Variants in TENM4 observed in about 807,000 individuals in gnomAD.
The protein encoded by TENM4 is teneurin-4.
A neutral mutation model predicts 243.3 loss-of-function variants in TENM4; 82 were observed. That is an observed-to-expected ratio of 0.34 (90% CI 0.28 to 0.40). TENM4 has a LOEUF of 0.40. TENM4 is among the 10% of genes least tolerant of loss of function. TENM4 has a pLI of 1.00. For missense variants in TENM4, 3,138 were observed against 3,673.3 expected (o/e 0.85, Z 3.77); for synonymous variants, 1,412 against 1,456.3 (o/e 0.97, Z 0.69).
Position 79,082,705 on chromosome 11 carries a change from G to A in TENM4, c.-65-12696C>T, listed in dbSNP as rs369316813. Among the ~76,000 whole-genome samples the A allele has an allele frequency of 1.6e-3, 243 of 152,308 alleles. No individual in the cohort carries two copies. The South Asian group carries it at 0.025, about 16-fold the overall frequency. On this transcript the variant is annotated intron_variant, in intron 4 of 33. Transcript: ENST00000278550. ...GTGTGACTATGGGTCCTCACAGCAG[G>A]AAAGGTGGATTAGTAAAGGCATCTT...
chr11:78,990,356 C>G (rs1303340829), intron 6 of TENM4, among the ~76,000 whole-genome samples: 2 of 152,154 alleles, frequency 1.3e-5, no homozygotes, highest in Non-Finnish European at 2.9e-5. Context: ...CCCACCTGCT[C>G]TGAATGTCTG....
intron 12 of TENM4, among the ~76,000 whole-genome samples, chr11:78,822,844 T>C (rs1264463916): frequency 6.6e-6 from 1 of 152,216 alleles, no homozygotes; most frequent in Non-Finnish European, 1.5e-5. Context: ...GAAGAAGTCA[T>C]CATGTTCGTG....
chr11:78,686,633 T>G (rs927550659), intron 29 of TENM4, among the ~76,000 whole-genome samples: 1 of 152,150 alleles, frequency 6.6e-6, no homozygotes. Context: ...GGAATTGAGT[T>G]GAAGGACACC....
Position 78,741,658 on chromosome 11 carries a change from A to C in TENM4, c.2757-3088T>G, listed in dbSNP as rs988788409. 2.0e-5 allele frequency among the ~76,000 whole-genome samples: 3 copies of C among 152,228 alleles called. No individual in the cohort carries two copies. The East Asian group carries it at 5.8e-4, about 29-fold the overall frequency. ...TAACAACCAGCTTGCAGAATTTCTGAACATTTAATAATCAGTTCTTGCGAA... is the reference window on the plus strand; with the variant it reads ...TAACAACCAGCTTGCAGAATTTCTGCACATTTAATAATCAGTTCTTGCGAA... On this transcript the variant is annotated intron_variant, in intron 19 of 33. Transcript: ENST00000278550.
At chr11:78,855,740 G>A (rs369471906) in intron 11 of TENM4, among the ~76,000 whole-genome samples, 3 of 152,184 alleles carry the variant, frequency 2.0e-5, no homozygotes, top group South Asian at 4.1e-4. Flanking sequence ...TAGCAGAAAG[G>A]CTGTTAAGAG....
At chr11:79,422,046 A>G (rs948297934) in intron 1 of TENM4, 1 of 152,862 alleles carries the variant, frequency 6.5e-6, no homozygotes, top group African/African-American at 2.4e-5. Flanking sequence ...TAGGGCTGCA[A>G]CAATCTTCCC....
At chr11:79,284,991 A>G (rs1372908387) in intron 2 of TENM4, among the ~76,000 whole-genome samples, 1 of 152,098 alleles carries the variant, frequency 6.6e-6, no homozygotes, top group Non-Finnish European at 1.5e-5. Flanking sequence ...TAATCCCAGC[A>G]TACTTTGGGA....
intron 1 of TENM4, among the ~76,000 whole-genome samples, chr11:79,424,246 A>G (rs1161059647): frequency 6.6e-6 from 1 of 152,104 alleles, no homozygotes; most frequent in Non-Finnish European, 1.5e-5. Flanking sequence ...GAGGCCAGGG[A>G]TGCTGCCCAA....
chr11:79,126,690 C>A (rs904246753), intron 4 of TENM4, among the ~76,000 whole-genome samples: 19 of 152,148 alleles, frequency 1.2e-4, no homozygotes, highest in African/African-American at 4.3e-4. Flanking sequence ...AATAAAAAAA[C>A]AGAGAATCAT....
intron 5 of TENM4, among the ~76,000 whole-genome samples, chr11:79,066,578 ACACACATG>A (rs1243457413): frequency 1.3e-5 from 2 of 152,100 alleles, no homozygotes; most frequent in Non-Finnish European, 2.9e-5. Context: ...GCACGCGCAC[ACACACATG>A]CACACAAGCA....
At chr11:79,182,596 T>A (rs774397456) in intron 3 of TENM4, among the ~76,000 whole-genome samples, 5 of 152,150 alleles carry the variant, frequency 3.3e-5, no homozygotes, top group Non-Finnish European at 1.5e-5. Flanking sequence ...TAAAAACTTA[T>A]GCTCTCTGGA....
At chr11:78,863,582 GAA>G (rs1858880802) in intron 9 of TENM4, among the ~76,000 whole-genome samples, 1 of 152,186 alleles carries the variant, frequency 6.6e-6, no homozygotes, top group Admixed American at 6.5e-5. Context: ...ATAATCATAT[GAA>G]AAGACTCTTG....
intron 6 of TENM4, among the ~76,000 whole-genome samples, chr11:78,997,706 C>G (rs1858210454): frequency 6.6e-6 from 1 of 152,166 alleles, no homozygotes; most frequent in African/African-American, 2.4e-5. Flanking sequence ...ACTCTACAGG[C>G]CTCAAGTCAG....
intron 12 of TENM4, among the ~76,000 whole-genome samples, chr11:78,814,736 G>A (rs1180924551): frequency 3.9e-5 from 6 of 152,130 alleles, no homozygotes; most frequent in Non-Finnish European, 8.8e-5. Context: ...TGTGTTACTG[G>A]GTGATTCTTA....
chr11:79,155,333 G>T (rs1255429794), intron 3 of TENM4, among the ~76,000 whole-genome samples: 2 of 151,650 alleles, frequency 1.3e-5, no homozygotes, highest in African/African-American at 4.8e-5. Context: ...TGCTTCATGG[G>T]CTAAAATATG....
rs1191503246 is a variant in TENM4 at position 78,805,282 on chromosome 11, C to CCCCCCCCCCCCCCCCCCCCCCCAAA, written c.2179+9_2179+10insTTTGGGGGGGGGGGGGGGGGGGGGG. On this transcript the variant is annotated intron_variant, in intron 15 of 33. Coordinates refer to ENST00000278550, the MANE Select transcript of TENM4 (RefSeq NM_001098816.3). Reference sequence around the variant, plus strand: ...CCCTCTACCCATGCTTCTTCTCCCCCTGCATTTACCGATAGAACAGTCGTG... The same window carrying CCCCCCCCCCCCCCCCCCCCCCCAAA: ...CCCTCTACCCATGCTTCTTCTCCCCCCCCCCCCCCCCCCCCCCCCCCCAAATGCATTTACCGATAGAACAGTCGTG... 7.0e-6 allele frequency: 7 copies of CCCCCCCCCCCCCCCCCCCCCCCAAA among 995,562 alleles called. No individual in the cohort carries two copies. The highest frequency in any genetic ancestry group is 5.3e-5 in the East Asian group (1 of 19,014). The allele number at this position is 995,562 out of a possible 1,614,324, so 61.7% of individuals were successfully genotyped here.
At position 78,753,172 on chromosome 11, in the gene TENM4, T is replaced by C. The variant is rs78440700; in HGVS notation, c.2756+3633A>G. ...TCCCAGGCTTGTGCTATTTTCACTA[T>C]GATATGCGGCTGCTACAAAAGCCAC... On this transcript the variant is annotated intron_variant, in intron 19 of 33. Coordinates refer to ENST00000278550, the MANE Select transcript of TENM4 (RefSeq NM_001098816.3). Among the ~76,000 whole-genome samples the C allele has an allele frequency of 1.9e-4, 29 of 152,342 alleles. No individual in the cohort carries two copies. In the East Asian group the frequency reaches 5.4e-3, roughly 28 times the overall value.
intron 1 of TENM4, among the ~76,000 whole-genome samples, chr11:79,312,518 G>A (rs987166536): frequency 1.3e-5 from 2 of 152,160 alleles, no homozygotes; most frequent in African/African-American, 4.8e-5. Context: ...AGATGAAGAA[G>A]TCAAGTCATA....
At chr11:79,329,797 C>G (rs1320487086) in intron 1 of TENM4, among the ~76,000 whole-genome samples, 1 of 152,148 alleles carries the variant, frequency 6.6e-6, no homozygotes, top group African/African-American at 2.4e-5. Flanking sequence ...GTAGGCTGTG[C>G]AGGTCTCAGC....
Sources: gnomAD v4.1 joint callset for allele counts (sites outside exome capture counted in the v4.1 genomes callset) on GRCh38, gnomAD v4.1.1 for gene constraint, MANE v1.5 for transcripts, NCBI Gene and HGNC (gene_info 2026-07-23, HGNC 2026-07-21) for gene names.